The following COMMD10 variants were observed in gnomAD, a reference collection of about 807,000 sequenced individuals.
COMMD10 encodes the protein COMM domain-containing protein 10.
COMMD10 carries 33 observed loss-of-function variants against 28.9 expected under a neutral mutation model. The ratio of observed to expected loss-of-function variants is 1.14; its 90% CI spans 0.87 to 1.53. COMMD10 has a LOEUF of 1.53. Among genes scored for constraint, COMMD10 ranks in the 40% most tolerant of loss-of-function variants. The probability of loss-of-function intolerance (pLI) is 0.00; values close to 1 mark genes in which losing one functional copy is unlikely to be tolerated. For synonymous variants in COMMD10, 110 were observed against 81.7 expected, an observed-to-expected ratio of 1.35 and a Z score of -1.87; for missense variants, 310 against 233.4, an observed-to-expected ratio of 1.33 and a Z score of -2.14.
chr5:116,135,263 T>A (rs907133378), intron 5 of COMMD10, among the ~76,000 whole-genome samples: 10 of 152,174 alleles, frequency 6.6e-5, no homozygotes, highest in Non-Finnish European at 4.4e-5. Context: ...TTATTATTTA[T>A]AACAGGAATT....
chr5:116,204,827 A>G (rs750778229), intron 5 of COMMD10, among the ~76,000 whole-genome samples: 1 of 152,174 alleles, frequency 6.6e-6, no homozygotes, highest in Non-Finnish European at 1.5e-5. Context: ...TAAAGAAGAC[A>G]TTCAACTAGA....
At chr5:116,148,220 G>C (rs753431515) in intron 5 of COMMD10, among the ~76,000 whole-genome samples, 3 of 151,778 alleles carry the variant, frequency 2.0e-5, no homozygotes, top group African/African-American at 4.8e-5. Flanking sequence ...TTATTGCTGA[G>C]AGACTTCCTT....
chr5:116,162,792 C>T (rs914352442), intron 5 of COMMD10, among the ~76,000 whole-genome samples: 8 of 152,170 alleles, frequency 5.3e-5, no homozygotes, highest in African/African-American at 1.9e-4. Flanking sequence ...ATGTCTCCAT[C>T]AGTGTTGGGT....
intron 5 of COMMD10, among the ~76,000 whole-genome samples, chr5:116,217,436 G>A (rs550946910): frequency 6.6e-6 from 1 of 152,302 alleles, no homozygotes; most frequent in South Asian, 2.1e-4. Context: ...GTCACATTTA[G>A]CATGTTGTTT....
At chr5:116,267,116 G>A (rs1402176258) in intron 5 of COMMD10, among the ~76,000 whole-genome samples, 8 of 151,822 alleles carry the variant, frequency 5.3e-5, no homozygotes, top group African/African-American at 4.9e-5. Context: ...ACAGGAGAAA[G>A]AAATAAAGGG....
chr5:116,255,314 G>A (rs1750251054), intron 5 of COMMD10, among the ~76,000 whole-genome samples: 2 of 151,648 alleles, frequency 1.3e-5, no homozygotes, highest in Middle Eastern at 6.8e-3. Flanking sequence ...AGTTAATAGT[G>A]TTATGTGTGA....
rs185014379 is a variant in COMMD10, at chr5:116,159,750, G to T, written c.510+25572G>T. ...AGATCCATAGAGAAGACTCCACAGA[G>T]GAAAACATCTTTGAATTAGGCCTTA... On this transcript the variant is annotated intron_variant, in intron 5 of 6. Coordinates refer to ENST00000274458, the MANE Select transcript of COMMD10 (RefSeq NM_016144.4). Among the ~76,000 whole-genome samples, 241 of 152,270 alleles carry T rather than the reference G, an allele frequency of 1.6e-3. 2 individuals carry two copies. Among genetic ancestry groups the T allele is most frequent in the African/African-American group, 5.6e-3 (232 of 41,552 alleles).
chr5:116,279,706 G>A (rs956305812), intron 5 of COMMD10, among the ~76,000 whole-genome samples: 2 of 151,834 alleles, frequency 1.3e-5, no homozygotes, highest in African/African-American at 4.9e-5. Flanking sequence ...CAATGGTATT[G>A]CATTGATGTT....
At chr5:116,251,448 C>T (rs1580583711) in intron 5 of COMMD10, among the ~76,000 whole-genome samples, 1 of 130,460 alleles carries the variant, frequency 7.7e-6, no homozygotes, top group Non-Finnish European at 1.6e-5. Flanking sequence ...CCCCTTCCCC[C>T]CACCACACAA....
intron 5 of COMMD10, among the ~76,000 whole-genome samples, chr5:116,180,512 G>A (rs1747920443): frequency 6.6e-6 from 1 of 151,820 alleles, no homozygotes; most frequent in East Asian, 1.9e-4. Flanking sequence ...ATAATTTTAA[G>A]TGCCTCATAT....
chr5:116,238,658 C>A (rs751501847), intron 5 of COMMD10, among the ~76,000 whole-genome samples: 1 of 152,094 alleles, frequency 6.6e-6, no homozygotes, highest in Non-Finnish European at 1.5e-5. Context: ...TTCAATTTAA[C>A]AACATCAATT....
chr5:116,280,796 A>G (rs751430217), intron 5 of COMMD10, among the ~76,000 whole-genome samples: 1 of 151,896 alleles, frequency 6.6e-6, no homozygotes, highest in Non-Finnish European at 1.5e-5. Flanking sequence ...TATGTTTACA[A>G]TCATCTATAA....
intron 5 of COMMD10, among the ~76,000 whole-genome samples, chr5:116,232,694 C>G (rs1309999330): frequency 6.6e-6 from 1 of 152,106 alleles, no homozygotes; most frequent in Non-Finnish European, 1.5e-5. Flanking sequence ...CAGAGCAAGA[C>G]TCCGTCTCAA....
At chr5:116,152,625 T>A (rs1416863571) in intron 5 of COMMD10, among the ~76,000 whole-genome samples, 1 of 152,232 alleles carries the variant, frequency 6.6e-6, no homozygotes, top group African/African-American at 2.4e-5. Context: ...ATTGTCAGTT[T>A]TAGAATAAGA....
chr5:116,227,498 C>G (rs1749422229), intron 5 of COMMD10, among the ~76,000 whole-genome samples: 1 of 151,864 alleles, frequency 6.6e-6, no homozygotes, highest in African/African-American at 2.4e-5. Context: ...TTTATACATC[C>G]TGCCACAAAA....
At chr5:116,227,111 A>G (rs1029562139) in intron 5 of COMMD10, among the ~76,000 whole-genome samples, 1 of 152,040 alleles carries the variant, frequency 6.6e-6, no homozygotes, top group African/African-American at 2.4e-5. Flanking sequence ...TATCTGTGCT[A>G]TAGGTTCACT....
In COMMD10 at chr5:116,092,695, T is replaced by C; in HGVS notation, c.394T>C (p.Cys132Arg). The change falls in exon 4 of 7, where the codon TGT becomes CGT. Residue 132 changes from cysteine to arginine, a missense_variant. Physicochemically the swap from Cys to Arg is radical, Grantham distance 180. Transcript: ENST00000274458. ...GTTCCGGCAGAGAATTCTGGCTCCC[T>C]GTAAGGTATAGAACATACTGTCTTA... is the stretch of plus-strand genomic sequence containing the variant. ...EKFRQRILAP[C>R]KLETVGWQLN... is the part of the protein sequence containing the mutation. 1.2e-6 allele frequency: 2 copies of C among 1,602,902 alleles called. No individual in the cohort carries two copies. The highest frequency in any genetic ancestry group is 1.3e-5 in the African/African-American group (1 of 74,764).
intron 5 of COMMD10, among the ~76,000 whole-genome samples, chr5:116,251,261 TTTCTTTTTA>T (rs1305011822): frequency 1.7e-4 from 22 of 126,454 alleles, no homozygotes; most frequent in African/African-American, 5.4e-4. Context: ...AGCAGACTCT[TTTCTTTTTA>T]TTTATTTATT....
At chr5:116,148,561 C>G (rs1219121040) in intron 5 of COMMD10, among the ~76,000 whole-genome samples, 1 of 151,758 alleles carries the variant, frequency 6.6e-6, no homozygotes, top group African/African-American at 2.4e-5. Context: ...TGTCTAGGTA[C>G]AACTTCATTT....
Sources: gnomAD v4.1 joint callset for allele counts (sites outside exome capture counted in the v4.1 genomes callset) on GRCh38, gnomAD v4.1.1 for gene constraint, MANE v1.5 for transcripts, NCBI Gene and HGNC (gene_info 2026-07-23, HGNC 2026-07-21) for gene names.